The following CALN1 variants were observed in gnomAD, a reference collection of about 807,000 sequenced individuals.
The protein encoded by CALN1 is calneuron 1, also known as calcium-binding protein 8.
In CALN1, 17 loss-of-function variants were observed where a neutral mutation model predicts 30.6. That is an observed-to-expected ratio of 0.56 (90% CI 0.38 to 0.83). The LOEUF is 0.83. Ranked by LOEUF, CALN1 falls within the 40% of genes least tolerant of loss-of-function variation. The pLI is 0.00. For missense variants in CALN1, 291 were observed against 354.9 expected (o/e 0.82, Z 1.45); for synonymous variants, 156 against 131.4 (o/e 1.19, Z -1.28).
intron 2 of CALN1, among the ~76,000 whole-genome samples, chr7:72,350,772 A>G (rs1802880017): frequency 9.9e-6 from 1 of 100,896 alleles, no homozygotes; most frequent in Admixed American, 1.3e-4. Flanking sequence ...TACCCCTGAA[A>G]CAAAAGTAAA....
Position 72,054,540 on chromosome 7 carries a change from T to C in CALN1, c.389-30771A>G, listed in dbSNP as rs559213611. ...ATATACATATATACATACATATATA[T>C]ATACATATATATATATATATAATGG... On this transcript the variant is annotated intron_variant, in intron 4 of 6. Transcript: ENST00000395275. Among the ~76,000 whole-genome samples, 121 of 106,868 alleles carry C rather than the reference T, an allele frequency of 1.1e-3. 2 individuals carry two copies. Among genetic ancestry groups the C allele is most frequent in the South Asian group, 4.9e-3 (14 of 2,874 alleles). The allele number at this position is 106,868 out of a possible 152,430, so 70.1% of individuals were successfully genotyped here.
chr7:71,884,882 C>A (rs760604076), intron 5 of CALN1, among the ~76,000 whole-genome samples: 1 of 152,110 alleles, frequency 6.6e-6, no homozygotes, highest in Non-Finnish European at 1.5e-5. Flanking sequence ...TTCTTCCAGA[C>A]CTACCCAATC....
chr7:72,280,915 G>A (rs1416393698), intron 2 of CALN1, among the ~76,000 whole-genome samples: 1 of 152,104 alleles, frequency 6.6e-6, no homozygotes, highest in East Asian at 1.9e-4. Context: ...GACCTAGGCA[G>A]GTGGATCACC....
At chr7:72,403,504 C>G in intron 1 of CALN1, 62 bp from the exon 2 acceptor site, 2 of 617,478 alleles carry the variant, frequency 3.2e-6, no homozygotes, top group South Asian at 2.7e-5. Context: ...CTTCTCAAAG[C>G]CTGCCGCCTA....
At chr7:72,145,956 T>C (rs1786683981) in intron 3 of CALN1, among the ~76,000 whole-genome samples, 2 of 152,212 alleles carry the variant, frequency 1.3e-5, no homozygotes, top group South Asian at 4.1e-4. Flanking sequence ...AAATTAGGTA[T>C]TGATGGGACG....
intron 2 of CALN1, among the ~76,000 whole-genome samples, chr7:72,291,203 G>A (rs781519616): frequency 1.3e-5 from 2 of 152,174 alleles, no homozygotes; most frequent in Non-Finnish European, 2.9e-5. Flanking sequence ...GATTACAGAT[G>A]TGAGCCACTG....
intron 5 of CALN1, among the ~76,000 whole-genome samples, chr7:71,926,221 G>A (rs922294351): frequency 3.3e-5 from 5 of 152,018 alleles, no homozygotes; most frequent in East Asian, 1.9e-4. Context: ...ATGTGTCCCC[G>A]ATGAGCATTT....
At chr7:72,233,180 A>C (rs1794229118) in intron 3 of CALN1, among the ~76,000 whole-genome samples, 1 of 151,076 alleles carries the variant, frequency 6.6e-6, no homozygotes, top group Non-Finnish European at 1.5e-5. Flanking sequence ...AATAAAGATC[A>C]TTCTGTAAAA....
intron 5 of CALN1, among the ~76,000 whole-genome samples, chr7:71,945,917 G>A (rs564786279): frequency 6.6e-6 from 1 of 152,358 alleles, no homozygotes; most frequent in South Asian, 2.1e-4. Flanking sequence ...GGTCCCTGGT[G>A]CCAAAAAGGT....
intron 2 of CALN1, among the ~76,000 whole-genome samples, chr7:72,375,783 A>G (rs1011563039): frequency 6.6e-6 from 1 of 152,120 alleles, no homozygotes; most frequent in Admixed American, 6.6e-5. Context: ...TGCCTGGTCT[A>G]AAATATATAA....
At chr7:71,953,388 T>C (rs1341242358) in intron 5 of CALN1, among the ~76,000 whole-genome samples, 1 of 152,148 alleles carries the variant, frequency 6.6e-6, no homozygotes, top group Non-Finnish European at 1.5e-5. Flanking sequence ...AACACACACT[T>C]GTGGTAGAAG....
chr7:72,015,541 A>C (rs1401167582), intron 5 of CALN1, among the ~76,000 whole-genome samples: 3 of 151,540 alleles, frequency 2.0e-5, no homozygotes, highest in South Asian at 4.2e-4. Flanking sequence ...CTGGATTCCG[A>C]CAATGTCCTC....
intron 5 of CALN1, chr7:71,942,253 G>A (rs528993351): frequency 1.5e-4 from 30 of 197,254 alleles, no homozygotes; most frequent in Admixed American, 8.1e-4. Flanking sequence ...CCGCCACGCC[G>A]CCGTCATGGA....
At chr7:72,101,986 C>T (rs1020924759) in intron 4 of CALN1, among the ~76,000 whole-genome samples, 6 of 152,080 alleles carry the variant, frequency 3.9e-5, no homozygotes, top group African/African-American at 1.4e-4. Flanking sequence ...GGGTTTTAGA[C>T]TAGGGAAGAA....
chr7:72,320,834 C>CAAAAAAA (rs56192893), intron 2 of CALN1, among the ~76,000 whole-genome samples: 10 of 67,144 alleles, frequency 1.5e-4, no homozygotes, highest in Non-Finnish European at 2.0e-4. Context: ...GACTCCATCT[C>CAAAAAAA]AAAAAAAAAA....
chr7:72,395,355 G>GCACC (rs72331178), intron 2 of CALN1, among the ~76,000 whole-genome samples: 1 of 147,488 alleles, frequency 6.8e-6, no homozygotes, highest in Admixed American at 6.7e-5. Context: ...CTGCGCACGC[G>GCACC]CGCGCACACA....
chr7:71,780,319 T>G lies in CALN1; in HGVS notation c.*7456A>C, dbSNP rs1487432800. 6.6e-6 allele frequency: 1 copy of G among 152,220 alleles called. No individual in the cohort carries two copies. The highest frequency in any genetic ancestry group is 1.9e-4 in the East Asian group (1 of 5,190). The allele number at this position is 152,220 out of a possible 1,614,324, so 9.4% of individuals were successfully genotyped here. On this transcript the variant is annotated 3_prime_UTR_variant, in exon 7 of 7. Transcript: ENST00000395275. ...GATCCTTTCTTGGCCAATCTAGGTC[T>G]TTCCCAGGGAGAACAACAGGGCTTG... is the stretch of plus-strand genomic sequence containing the variant.
intron 3 of CALN1, among the ~76,000 whole-genome samples, chr7:72,134,678 C>A (rs1212768930): frequency 2.0e-5 from 3 of 152,230 alleles, no homozygotes; most frequent in Non-Finnish European, 4.4e-5. Context: ...TGTCTAAATG[C>A]TGATGGCTGC....
chr7:72,287,213 T>C (rs1401226451), intron 2 of CALN1, among the ~76,000 whole-genome samples: 1 of 152,110 alleles, frequency 6.6e-6, no homozygotes, highest in Non-Finnish European at 1.5e-5. Flanking sequence ...ATTCTTTCAC[T>C]TCCCTCCCTC....
Sources: gnomAD v4.1 joint callset for allele counts (sites outside exome capture counted in the v4.1 genomes callset) on GRCh38, gnomAD v4.1.1 for gene constraint, MANE v1.5 for transcripts, NCBI Gene and HGNC (gene_info 2026-07-23, HGNC 2026-07-21) for gene names.